PAPOLA: variants seen among roughly 807,000 people sequenced by gnomAD.
The protein encoded by PAPOLA is poly(A) polymerase alpha, also known as polynucleotide adenylyltransferase alpha.
Under a neutral mutation model 100.6 loss-of-function variants are expected in PAPOLA, and 15 were observed. The ratio of observed to expected loss-of-function variants is 0.15; its 90% CI spans 0.10 to 0.23. PAPOLA has a LOEUF of 0.23. Ranked by LOEUF, PAPOLA falls within the 10% of genes least tolerant of loss-of-function variation. PAPOLA has a pLI of 1.00. For missense variants in PAPOLA, 533 were observed against 884.2 expected (o/e 0.60, Z 5.04); for synonymous variants, 293 against 300.0 (o/e 0.98, Z 0.24).
At chr14:96,502,697 C>G in intron 1 of PAPOLA, 97 bp downstream of exon 1, 1 of 1,323,228 alleles carries the variant, frequency 7.6e-7, no homozygotes, top group Non-Finnish European at 1.0e-6. Context: ...GGCACGCGAG[C>G]CCGACCCTCC....
intron 3 of PAPOLA, among the ~76,000 whole-genome samples, chr14:96,525,048 T>G (rs1375544259): frequency 2.6e-5 from 4 of 152,266 alleles, no homozygotes; most frequent in Admixed American, 1.3e-4. Flanking sequence ...AATCACAGTC[T>G]TCTTTATAGT....
chr14:96,535,214 C>G (rs1294367178), intron 10 of PAPOLA: 1 of 908,692 alleles, frequency 1.1e-6, no homozygotes, highest in African/African-American at 1.8e-5. Flanking sequence ...TCCTTTTTTT[C>G]TAAATTATTA....
intron 12 of PAPOLA, chr14:96,537,747 C>G (rs528785248): frequency 6.6e-6 from 1 of 151,694 alleles, no homozygotes; most frequent in African/African-American, 2.4e-5. Flanking sequence ...TTTTATTTGC[C>G]CTGGGCTGAA....
intron 10 of PAPOLA, chr14:96,535,580 A>G (rs1015949304): frequency 1.9e-6 from 2 of 1,039,364 alleles, no homozygotes; most frequent in Non-Finnish European, 2.3e-6. Flanking sequence ...TGTTGAATAA[A>G]GAAAAACTAA....
chr14:96,562,744 C>T, intron 20 of PAPOLA, 75 bp from the exon 21 acceptor site: 1 of 836,150 alleles, frequency 1.2e-6, no homozygotes, highest in Non-Finnish European at 2.0e-6. Context: ...TCTTTATTAG[C>T]CACCAAACCC....
chr14:96,545,916 G>A (rs1333776521), intron 15 of PAPOLA, among the ~76,000 whole-genome samples: 1 of 152,006 alleles, frequency 6.6e-6, no homozygotes, highest in Non-Finnish European at 1.5e-5. Flanking sequence ...AATTTGTTCT[G>A]TACATTGCAT....
intron 12 of PAPOLA, chr14:96,537,733 G>A (rs1010211794): frequency 1.3e-4 from 19 of 151,890 alleles, no homozygotes; most frequent in African/African-American, 4.6e-4. Flanking sequence ...CCACAGACTT[G>A]CACTTTTATT....
chr14:96,566,098 T>C lies in PAPOLA; in HGVS notation c.*1048T>C. ...CATTTGATCTCTAAAAGGAATTTTG[T>C]ACACTCCACAGAACTCCTATCTATA... On this transcript the variant is annotated 3_prime_UTR_variant, in exon 22 of 22. Coordinates refer to ENST00000216277, the MANE Select transcript of PAPOLA (RefSeq NM_032632.5). 2.5e-6 allele frequency: 1 copy of C among 394,766 alleles called. No individual in the cohort carries two copies. The highest frequency in any genetic ancestry group is 4.5e-6 in the Non-Finnish European group (1 of 223,472). 24.5% of individuals were successfully genotyped at this position (394,766 alleles called of 1,614,324 possible).
chr14:96,561,487 A>G (rs1395647556), intron 20 of PAPOLA, among the ~76,000 whole-genome samples: 1 of 152,178 alleles, frequency 6.6e-6, no homozygotes, highest in Non-Finnish European at 1.5e-5. Context: ...TCATTATGTA[A>G]TCTACAAAAT....
intron 21 of PAPOLA, 87 bp downstream of exon 21, chr14:96,562,980 A>G: frequency 1.3e-6 from 1 of 764,168 alleles, no homozygotes; most frequent in Non-Finnish European, 2.2e-6. Flanking sequence ...TTCATAGAAG[A>G]CTATTAAAAT....
Position 96,523,586 on chromosome 14 carries a change from G to A in PAPOLA, c.250-1724G>A, listed in dbSNP as rs553644742. ...TGGCTAATTTTAAATAACCAGGTCA[G>A]CGTTGCCATTGAGGTTTTAAAATAT... On this transcript the variant is annotated intron_variant, in intron 3 of 21. Coordinates refer to ENST00000216277, the MANE Select transcript of PAPOLA (RefSeq NM_032632.5). Among the ~76,000 whole-genome samples the A allele has an allele frequency of 1.8e-3, 268 of 152,314 alleles. 1 individual carries two copies. The highest frequency in any genetic ancestry group is 6.8e-3 in the Middle Eastern group (2 of 294).
At position 96,565,981 on chromosome 14, in the gene PAPOLA, A is replaced by G. The variant is rs932973318; in HGVS notation, c.*931A>G. 14 of 398,018 alleles carry G rather than the reference A, an allele frequency of 3.5e-5. No homozygotes were observed. Among genetic ancestry groups the G allele is most frequent in the African/African-American group, 2.7e-4 (13 of 48,600 alleles). 24.7% of individuals were successfully genotyped at this position (398,018 alleles called of 1,614,324 possible). A position where few individuals can be genotyped will look rare whatever the true frequency, so the allele number is the denominator to read the frequency against. ...GTGAAACCAATGACCCTGTGACCAC[A>G]TGGCACAGAACACTAAATTTTGGTC... On this transcript the variant is annotated 3_prime_UTR_variant, in exon 22 of 22. Transcript: ENST00000216277.
chr14:96,552,424 T>C, intron 16 of PAPOLA, 56 bp from the exon 17 acceptor site: 1 of 1,479,808 alleles, frequency 6.8e-7, no homozygotes, highest in Non-Finnish European at 9.4e-7. Flanking sequence ...GGTTTCCATG[T>C]TTCAACATTT....
chr14:96,554,105 G>T (rs562761235), intron 17 of PAPOLA, among the ~76,000 whole-genome samples: 12 of 152,146 alleles, frequency 7.9e-5, no homozygotes, highest in African/African-American at 2.9e-4. Context: ...TATAAAATGT[G>T]TACAACTGTA....
intron 17 of PAPOLA, 61 bp from the exon 18 acceptor site, chr14:96,555,786 A>T: frequency 2.5e-6 from 2 of 799,950 alleles, no homozygotes; most frequent in South Asian, 1.9e-5. Context: ...GATTATTGTA[A>T]TTTTTTTTTT....
intron 17 of PAPOLA, 116 bp downstream of exon 17, chr14:96,552,738 AT>A (rs888694927): frequency 5.0e-4 from 487 of 978,886 alleles, no homozygotes; most frequent in Non-Finnish European, 5.8e-4. Context: ...CCATCTACTA[AT>A]TTTTTTTTAA....
intron 19 of PAPOLA, among the ~76,000 whole-genome samples, chr14:96,559,585 A>C (rs199954299): frequency 0.028 from 3,600 of 128,330 alleles, 69 homozygotes; most frequent in South Asian, 0.097. Flanking sequence ...CTCTCTCTAT[A>C]TATATATATA....
At chr14:96,527,221 A>G in intron 4 of PAPOLA, 2 of 514,672 alleles carry the variant, frequency 3.9e-6, no homozygotes, top group Non-Finnish European at 6.8e-6. Flanking sequence ...GCCACTATAA[A>G]TAGAGGATGC....
intron 15 of PAPOLA, among the ~76,000 whole-genome samples, chr14:96,545,432 G>A (rs936877989): frequency 2.0e-5 from 3 of 152,046 alleles, no homozygotes; most frequent in Admixed American, 1.3e-4. Flanking sequence ...GCTATCACCA[G>A]CAGCGTTAGC....
Sources: gnomAD v4.1 joint callset for allele counts (sites outside exome capture counted in the v4.1 genomes callset) on GRCh38, gnomAD v4.1.1 for gene constraint, MANE v1.5 for transcripts, NCBI Gene and HGNC (gene_info 2026-07-23, HGNC 2026-07-21) for gene names.